EXOC6B: variants seen among roughly 807,000 people sequenced by gnomAD.
The protein encoded by EXOC6B is SEC15 homolog B.
In EXOC6B, 54 loss-of-function variants were observed where a neutral mutation model predicts 113.5. The observed-to-expected ratio is 0.48, with a 90% CI of 0.38 to 0.60. The LOEUF is 0.60. Ranked by LOEUF, EXOC6B falls within the 20% of genes least tolerant of loss-of-function variation. The probability of loss-of-function intolerance (pLI) is 0.00; values close to 1 mark genes in which losing one functional copy is unlikely to be tolerated. For synonymous variants in EXOC6B, 357 were observed against 339.0 expected (o/e 1.05, Z -0.58); for missense variants, 797 against 977.5 (o/e 0.82, Z 2.46).
intron 6 of EXOC6B, among the ~76,000 whole-genome samples, chr2:72,644,251 A>C (rs1385472034): frequency 1.3e-5 from 2 of 152,176 alleles, no homozygotes; most frequent in Non-Finnish European, 2.9e-5. Flanking sequence ...TAGAGAAAAA[A>C]CAGCAAAAAG....
chr2:72,218,268 C>G (rs1680656953), intron 20 of EXOC6B, among the ~76,000 whole-genome samples: 2 of 152,210 alleles, frequency 1.3e-5, no homozygotes, highest in African/African-American at 4.8e-5. Context: ...TTTCAGGTTG[C>G]TTCCTATTCT....
intron 16 of EXOC6B, among the ~76,000 whole-genome samples, chr2:72,482,123 G>C (rs181277233): frequency 6.6e-6 from 1 of 152,236 alleles, no homozygotes; most frequent in Non-Finnish European, 1.5e-5. Flanking sequence ...TTTAGCATAA[G>C]CATAATATGG....
intron 7 of EXOC6B, among the ~76,000 whole-genome samples, chr2:72,574,200 T>C (rs1196555431): frequency 6.6e-6 from 1 of 151,872 alleles, no homozygotes; most frequent in Non-Finnish European, 1.5e-5. Flanking sequence ...GACATAAAAA[T>C]AACATCTTTA....
intron 18 of EXOC6B, among the ~76,000 whole-genome samples, chr2:72,432,188 C>T (rs546797884): frequency 6.6e-6 from 1 of 152,132 alleles, no homozygotes; most frequent in Admixed American, 6.5e-5. Flanking sequence ...AGGCACACAC[C>T]ACCATATCTG....
intron 18 of EXOC6B, among the ~76,000 whole-genome samples, chr2:72,446,168 A>AT (rs1273961638): frequency 2.6e-5 from 4 of 152,222 alleles, no homozygotes; most frequent in African/African-American, 9.6e-5. Context: ...AATATAAATC[A>AT]TTTTGCCATA....
intron 19 of EXOC6B, among the ~76,000 whole-genome samples, chr2:72,341,407 T>G (rs868455377): frequency 2.6e-5 from 4 of 152,060 alleles, no homozygotes; most frequent in African/African-American, 7.2e-5. Context: ...AAGGACACAA[T>G]AGACTGAAAA....
intron 18 of EXOC6B, among the ~76,000 whole-genome samples, chr2:72,385,417 ACAGATGAAAAAGCT>A (rs1412003405): frequency 3.9e-5 from 6 of 152,116 alleles, no homozygotes; most frequent in Non-Finnish European, 8.8e-5. Flanking sequence ...GAAAAAAAAA[ACAGATGAAAAAGCT>A]CCATGACATT....
At chr2:72,266,510 G>T (rs1296534829) in intron 20 of EXOC6B, among the ~76,000 whole-genome samples, 1 of 151,874 alleles carries the variant, frequency 6.6e-6, no homozygotes, top group Non-Finnish European at 1.5e-5. Flanking sequence ...GTTAAATAGG[G>T]AATCCTTTCC....
At chr2:72,254,030 G>C (rs1480407751) in intron 20 of EXOC6B, among the ~76,000 whole-genome samples, 1 of 151,832 alleles carries the variant, frequency 6.6e-6, no homozygotes, top group Non-Finnish European at 1.5e-5. Flanking sequence ...CGTGGTGGTG[G>C]GCACCTGTAG....
At chr2:72,181,679 G>A (rs948221017) in intron 21 of EXOC6B, among the ~76,000 whole-genome samples, 9 of 152,188 alleles carry the variant, frequency 5.9e-5, no homozygotes, top group African/African-American at 2.2e-4. Context: ...CTCCCACAGG[G>A]AAGCTCCTGT....
At chr2:72,554,794 T>G (rs1006099323) in intron 8 of EXOC6B, among the ~76,000 whole-genome samples, 36 of 152,184 alleles carry the variant, frequency 2.4e-4, no homozygotes, top group African/African-American at 8.4e-4. Flanking sequence ...CCAGGGTACA[T>G]GTGCACAACA....
At chr2:72,205,964 A>C in intron 20 of EXOC6B, among the ~76,000 whole-genome samples, 1 of 152,292 alleles carries the variant, frequency 6.6e-6, no homozygotes, top group South Asian at 2.1e-4. Flanking sequence ...CTGGACTTGG[A>C]GAAGAAACAG....
chr2:72,216,429 T>C (rs1223365226), intron 20 of EXOC6B, among the ~76,000 whole-genome samples: 1 of 152,174 alleles, frequency 6.6e-6, no homozygotes, highest in East Asian at 1.9e-4. Flanking sequence ...TGTGGAGAAA[T>C]AGGAATGCTT....
intron 8 of EXOC6B, among the ~76,000 whole-genome samples, chr2:72,540,596 T>C (rs542334783): frequency 6.6e-6 from 1 of 152,332 alleles, no homozygotes; most frequent in African/African-American, 2.4e-5. Flanking sequence ...ATTTTTCTAA[T>C]CTACTGCCCA....
intron 6 of EXOC6B, among the ~76,000 whole-genome samples, chr2:72,700,776 C>T (rs568202519): frequency 5.9e-5 from 9 of 152,280 alleles, no homozygotes; most frequent in African/African-American, 2.2e-4. Flanking sequence ...TATGGCAAAA[C>T]CCCATCTCTA....
intron 20 of EXOC6B, among the ~76,000 whole-genome samples, chr2:72,299,042 T>C (rs952578709): frequency 1.3e-5 from 2 of 152,152 alleles, no homozygotes; most frequent in Admixed American, 1.3e-4. Flanking sequence ...CCTTGCTAGG[T>C]TGGGGAAGTC....
intron 18 of EXOC6B, among the ~76,000 whole-genome samples, chr2:72,407,726 A>C (rs989073895): frequency 6.6e-6 from 1 of 152,056 alleles, no homozygotes; most frequent in South Asian, 2.1e-4. Context: ...AAAATAATAA[A>C]AGCTATCTAT....
chr2:72,609,397 A>G (rs1670933111), intron 6 of EXOC6B, among the ~76,000 whole-genome samples: 1 of 152,132 alleles, frequency 6.6e-6, no homozygotes, highest in Non-Finnish European at 1.5e-5. Flanking sequence ...AAACTCAAAA[A>G]TGAACCAAAT....
chr2:72,393,254 C>A (rs576683936), intron 18 of EXOC6B, among the ~76,000 whole-genome samples: 1 of 152,070 alleles, frequency 6.6e-6, no homozygotes. Context: ...CCACCACGCC[C>A]AGCTAATTTT....
Sources: gnomAD v4.1 joint callset for allele counts (sites outside exome capture counted in the v4.1 genomes callset) on GRCh38, gnomAD v4.1.1 for gene constraint, MANE v1.5 for transcripts, NCBI Gene and HGNC (gene_info 2026-07-23, HGNC 2026-07-21) for gene names.